The following PTGIS variants were observed in gnomAD, a reference collection of about 807,000 sequenced individuals.
PTGIS encodes the protein prostaglandin I2 synthase.
A neutral mutation model predicts 50.3 loss-of-function variants in PTGIS; 45 were observed. That is an observed-to-expected ratio of 0.90 (90% CI 0.70 to 1.15). The LOEUF is 1.15. Among genes scored for constraint, PTGIS ranks in the 50% most tolerant of loss-of-function variants. PTGIS has a pLI of 0.00. For synonymous variants in PTGIS, 260 were observed against 267.7 expected, an observed-to-expected ratio of 0.97 and a Z score of 0.28; for missense variants, 668 against 661.3, an observed-to-expected ratio of 1.01 and a Z score of -0.11.
intron 5 of PTGIS, among the ~76,000 whole-genome samples, chr20:49,531,652 A>C (rs979000596): frequency 5.9e-5 from 9 of 152,102 alleles, no homozygotes; most frequent in Non-Finnish European, 1.5e-5. Context: ...TTTTGAGACA[A>C]GGTCTTGCTC....
intron 6 of PTGIS, 109 bp from the exon 7 acceptor site, chr20:49,514,504 A>G: frequency 7.7e-7 from 1 of 1,305,884 alleles, no homozygotes; most frequent in Admixed American, 2.0e-5. Flanking sequence ...CTGGGTTCCC[A>G]CTGCTGCCAA....
intron 1 of PTGIS, among the ~76,000 whole-genome samples, chr20:49,555,814 A>C (rs1477036203): frequency 6.6e-6 from 1 of 152,162 alleles, no homozygotes; most frequent in Non-Finnish European, 1.5e-5. Context: ...GTGATTTATA[A>C]TCAGCTATAG....
At chr20:49,560,874 T>A (rs1982755078) in intron 1 of PTGIS, among the ~76,000 whole-genome samples, 1 of 152,042 alleles carries the variant, frequency 6.6e-6, no homozygotes, top group Non-Finnish European at 1.5e-5. Context: ...CCGGCTCCTA[T>A]GCCACGCGTG....
At chr20:49,564,835 G>C (rs1021780298) in intron 1 of PTGIS, among the ~76,000 whole-genome samples, 2 of 152,084 alleles carry the variant, frequency 1.3e-5, no homozygotes, top group Non-Finnish European at 2.9e-5. Flanking sequence ...GTATGATAAG[G>C]GTGATGGAAA....
chr20:49,530,118 C>CGCCAAG (rs1242450745), intron 5 of PTGIS, among the ~76,000 whole-genome samples: 1 of 146,114 alleles, frequency 6.8e-6, no homozygotes, highest in East Asian at 2.0e-4. Flanking sequence ...TGCACCATTG[C>CGCCAAG]ATTCCAGCCT....
chr20:49,524,536 G>A (rs1372071061), intron 5 of PTGIS, among the ~76,000 whole-genome samples: 1 of 152,188 alleles, frequency 6.6e-6, no homozygotes, highest in Non-Finnish European at 1.5e-5. Context: ...CCCGTAGCAG[G>A]TGCTCAATAA....
In PTGIS at chr20:49,539,619, G is replaced by C; in HGVS notation, c.624C>G (p.Arg208=). 1 of 1,614,040 alleles carries C rather than the reference G, an allele frequency of 6.2e-7. No homozygotes were observed. The highest frequency in any genetic ancestry group is 8.5e-7 in the Non-Finnish European group (1 of 1,180,006). ...GTTTGGGGAGCAGCCGGTCGAGCTG[G>C]CGAAAGGTGTGGAAGACATCAGCTG... ...VHSADVFHTF[R]QLDRLLPKLA... is the part of the protein sequence containing the mutation. Residue 208 remains arginine (R), a synonymous_variant, in exon 5 of 10, where the codon CGC becomes CGG. Transcript: ENST00000244043.
At chr20:49,547,820 G>A in intron 3 of PTGIS, 21 bp downstream of exon 3, 1 of 1,613,806 alleles carries the variant, frequency 6.2e-7, no homozygotes, top group Non-Finnish European at 8.5e-7. Context: ...CCTCCCACAG[G>A]TGCCATCTCC....
At chr20:49,551,262 T>TG (rs1350064242) in intron 1 of PTGIS, among the ~76,000 whole-genome samples, 2 of 152,088 alleles carry the variant, frequency 1.3e-5, no homozygotes, top group Non-Finnish European at 2.9e-5. Flanking sequence ...TGGTGGGAAG[T>TG]GGGGGTCAGA....
chr20:49,532,429 AGTG>A (rs1981957368), intron 5 of PTGIS, among the ~76,000 whole-genome samples: 3 of 152,198 alleles, frequency 2.0e-5, no homozygotes, highest in Non-Finnish European at 4.4e-5. Context: ...TAAGAGGCCC[AGTG>A]CTGTAGCAGA....
chr20:49,511,029 G>T lies in PTGIS; in HGVS notation c.1357C>A (p.Gln453Lys). ...GCCCTGCCCTGGCCCCCCACTCACT[G>T]TTTGATGCTGTTGACCGCATAACTC... ...GRSYAVNSIK[Q>K]FVFLVLVHLD... The change falls in exon 9 of 10, where the codon CAA (glutamine) becomes AAA (lysine). Residue 453 changes from glutamine (Q) to lysine (K), a missense_variant and splice_region_variant. Transcript: ENST00000244043. The T allele has an allele frequency of 6.2e-7, 1 of 1,613,138 alleles. No individual in the cohort carries two copies. Among genetic ancestry groups the T allele is most frequent in the Admixed American group, 1.7e-5 (1 of 60,028 alleles).
At chr20:49,556,885 C>T (rs1982633596) in intron 1 of PTGIS, among the ~76,000 whole-genome samples, 1 of 151,798 alleles carries the variant, frequency 6.6e-6, no homozygotes, top group Non-Finnish European at 1.5e-5. Context: ...TTTTTCCTCC[C>T]CTCATTTTTC....
chr20:49,541,871 A>G (rs548801093), intron 4 of PTGIS, among the ~76,000 whole-genome samples: 109 of 152,232 alleles, frequency 7.2e-4, no homozygotes, highest in Non-Finnish European at 1.1e-3. Flanking sequence ...GGATAATCCC[A>G]TATGTAAATA....
rs1048016048 is a variant in PTGIS at position 49,505,382 on chromosome 20, G to A, written c.*2538C>T. 1.3e-5 allele frequency: 2 copies of A among 151,920 alleles called. No individual in the cohort carries two copies. The highest frequency in any genetic ancestry group is 1.9e-4 in the East Asian group (1 of 5,178). 9.4% of individuals were successfully genotyped at this position (151,920 alleles called of 1,614,324 possible). On this transcript the variant is annotated 3_prime_UTR_variant, in exon 10 of 10. Coordinates refer to ENST00000244043, the MANE Select transcript of PTGIS (RefSeq NM_000961.4). ...AAAACAAGGGCAGGTTTAAATAATC[G>A]TCTCCTGAGCTGCACTTCAGTATCT...
intron 6 of PTGIS, among the ~76,000 whole-genome samples, chr20:49,522,040 C>T (rs1308529655): frequency 1.3e-5 from 2 of 152,024 alleles, no homozygotes; most frequent in African/African-American, 2.4e-5. Context: ...GCTCAGAACT[C>T]TCCCAGGCCC....
chr20:49,530,960 C>T (rs1184885814), intron 5 of PTGIS, among the ~76,000 whole-genome samples: 2 of 152,050 alleles, frequency 1.3e-5, no homozygotes, highest in African/African-American at 4.8e-5. Context: ...AGGGTCTCAC[C>T]ATATTGGCCA....
At chr20:49,567,961 C>G (rs943102463) in intron 1 of PTGIS, 82 bp downstream of exon 1, 303 of 1,305,402 alleles carry the variant, frequency 2.3e-4, no homozygotes, top group Non-Finnish European at 2.8e-4. Flanking sequence ...GGGCCGGCCG[C>G]GGGCTCCGAG....
chr20:49,516,198 G>A lies in PTGIS; in HGVS notation c.856-1803C>T, dbSNP rs182036505. Among the ~76,000 whole-genome samples, 4 of 152,080 alleles carry A rather than the reference G, an allele frequency of 2.6e-5. No individual in the cohort carries two copies. In the East Asian group the frequency reaches 7.7e-4, roughly 29 times the overall value. On this transcript the variant is annotated intron_variant, in intron 6 of 9. Coordinates refer to ENST00000244043, the MANE Select transcript of PTGIS (RefSeq NM_000961.4). ...GAAACGGGTAACTGAGGTTACCTTG[G>A]GACAGAAGCTGGGAAGACAAGAGGA...
chr20:49,551,883 GT>G (rs557591017), intron 1 of PTGIS, among the ~76,000 whole-genome samples: 132 of 149,104 alleles, frequency 8.9e-4, no homozygotes, highest in Non-Finnish European at 1.3e-3. Flanking sequence ...CTAGGTTCTT[GT>G]TTTTTGAGAA....
Sources: allele counts gnomAD v4.1 joint callset (sites outside exome capture counted in the v4.1 genomes callset), GRCh38; gene constraint gnomAD v4.1.1; transcripts MANE v1.5; gene names NCBI Gene and HGNC (gene_info 2026-07-23, HGNC 2026-07-21).